The following LMBR1 variants were observed in gnomAD, a reference collection of about 807,000 sequenced individuals.
LMBR1 encodes limb development membrane protein 1.
LMBR1 carries 52 observed loss-of-function variants against 73.9 expected under a neutral mutation model. The observed-to-expected ratio is 0.70, with a 90% CI of 0.56 to 0.89. The LOEUF is 0.89. LMBR1 is among the 40% of genes least tolerant of loss of function. The pLI, the probability that LMBR1 is intolerant of heterozygous loss-of-function variation, is 0.00. For missense variants in LMBR1, 539 were observed against 579.8 expected (o/e 0.93, Z 0.72); for synonymous variants, 215 against 209.4 (o/e 1.03, Z -0.23).
At chr7:156,859,947 G>A (rs543238687) in intron 1 of LMBR1, among the ~76,000 whole-genome samples, 7 of 152,236 alleles carry the variant, frequency 4.6e-5, no homozygotes, top group African/African-American at 1.7e-4. Context: ...AATAGAAAAA[G>A]ATCAATGGAA....
At chr7:156,699,254 A>G (rs932450640) in intron 15 of LMBR1, among the ~76,000 whole-genome samples, 2 of 152,156 alleles carry the variant, frequency 1.3e-5, no homozygotes, top group African/African-American at 2.4e-5. Flanking sequence ...AATGCCGCAT[A>G]TCTACAACTA....
At chr7:156,764,728 A>C (rs1038097816) in intron 5 of LMBR1, among the ~76,000 whole-genome samples, 2 of 152,228 alleles carry the variant, frequency 1.3e-5, no homozygotes, top group African/African-American at 4.8e-5. Context: ...ACTTATTTCA[A>C]TTTTGTCCTA....
At chr7:156,781,222 G>C (rs1175917477) in intron 5 of LMBR1, among the ~76,000 whole-genome samples, 1 of 152,118 alleles carries the variant, frequency 6.6e-6, no homozygotes, top group South Asian at 2.1e-4. Flanking sequence ...GCAATGCCAC[G>C]TGACAATTTA....
At chr7:156,690,442 C>T (rs990093947) in intron 15 of LMBR1, among the ~76,000 whole-genome samples, 43 of 152,162 alleles carry the variant, frequency 2.8e-4, no homozygotes, top group Admixed American at 2.4e-3. Context: ...CTGTGTCCTA[C>T]GTTGTGACAG....
intron 1 of LMBR1, among the ~76,000 whole-genome samples, chr7:156,840,617 T>C (rs1838495013): frequency 6.6e-6 from 1 of 151,692 alleles, no homozygotes; most frequent in Non-Finnish European, 1.5e-5. Context: ...GAGTAGAGGG[T>C]GATAGGATCT....
intron 9 of LMBR1, among the ~76,000 whole-genome samples, chr7:156,734,675 T>C (rs1563239633): frequency 1.3e-5 from 2 of 152,344 alleles, no homozygotes; most frequent in South Asian, 4.1e-4. Context: ...ACATGTTTCC[T>C]AGAAAATTTC....
At chr7:156,820,417 A>C (rs772663973) in intron 4 of LMBR1, among the ~76,000 whole-genome samples, 11 of 152,134 alleles carry the variant, frequency 7.2e-5, no homozygotes, top group Non-Finnish European at 1.5e-4. Flanking sequence ...CTTCCATAGG[A>C]TATTAATATC....
chr7:156,747,475 G>A (rs1040846288), intron 9 of LMBR1, among the ~76,000 whole-genome samples: 1 of 151,866 alleles, frequency 6.6e-6, no homozygotes, highest in African/African-American at 2.4e-5. Flanking sequence ...TAAAAGGAGA[G>A]GTACTAAGTA....
chr7:156,763,634 A>G, intron 6 of LMBR1, 35 bp downstream of exon 6: 2 of 1,535,208 alleles, frequency 1.3e-6, no homozygotes. Flanking sequence ...TACAGTTTCC[A>G]GTAAGGAAAC....
intron 9 of LMBR1, among the ~76,000 whole-genome samples, chr7:156,750,017 G>A (rs984275603): frequency 3.2e-4 from 48 of 152,102 alleles, no homozygotes; most frequent in African/African-American, 1.2e-3. Flanking sequence ...ACTGCCATAA[G>A]AAATGATACA....
chr7:156,886,716 A>T (rs1358331415), intron 1 of LMBR1, among the ~76,000 whole-genome samples: 1 of 152,250 alleles, frequency 6.6e-6, no homozygotes, highest in East Asian at 1.9e-4. Context: ...AGAAAAAAAG[A>T]AACACCTTGA....
Position 156,685,327 on chromosome 7 carries a change from C to T in LMBR1, c.1388-1164G>A, listed in dbSNP as rs1805771640. On this transcript the variant is annotated intron_variant, in intron 16 of 16. Transcript: ENST00000353442. This position sits in a 1 kb window ranked among gnomAD's most constrained non-coding sequence, Gnocchi z 4.1. The stretch of plus-strand genomic sequence containing the variant: ...CAAGCACTTTAATAAAAATGAAACA[C>T]AATGACATACAGCAACACAGTCAGG... Among the ~76,000 whole-genome samples the T allele has an allele frequency of 6.6e-6, 1 of 152,200 alleles. No individual in the cohort carries two copies. The highest frequency in any genetic ancestry group is 2.4e-5 in the African/African-American group (1 of 41,434).
chr7:156,738,522 T>TTGTGAG (rs1187635813), intron 9 of LMBR1, among the ~76,000 whole-genome samples: 16 of 152,276 alleles, frequency 1.1e-4, no homozygotes, highest in African/African-American at 3.4e-4. Context: ...GCACCACCTC[T>TTGTGAG]CCACCAACCC....
chr7:156,753,753 G>C (rs1821327818), intron 9 of LMBR1, among the ~76,000 whole-genome samples: 1 of 152,096 alleles, frequency 6.6e-6, no homozygotes, highest in African/African-American at 2.4e-5. Context: ...GTGCTGTGGG[G>C]AAGGGGAAGG....
chr7:156,892,747 TGGGGAGGGAAGGGGA>T (rs1563649707), intron 1 of LMBR1, among the ~76,000 whole-genome samples, 166 bp downstream of exon 1: 1 of 52,204 alleles, frequency 1.9e-5, no homozygotes, highest in Non-Finnish European at 3.7e-5. Context: ...AGAGGAGAGG[TGGGGAGGGAAGGGGA>T]GGGGAGGGGA....
chr7:156,863,440 G>C (rs1453926109), intron 1 of LMBR1, among the ~76,000 whole-genome samples: 1 of 151,870 alleles, frequency 6.6e-6, no homozygotes, highest in African/African-American at 2.4e-5. Flanking sequence ...CCAGCCCACT[G>C]ACTCAAATGT....
intron 4 of LMBR1, among the ~76,000 whole-genome samples, chr7:156,804,006 G>C (rs1585900276): frequency 8.1e-6 from 1 of 123,960 alleles, no homozygotes; most frequent in Non-Finnish European, 1.7e-5. Context: ...GGTGGGGGGA[G>C]GGGGGAGGGA....
At chr7:156,744,141 C>T (rs578063248) in intron 9 of LMBR1, among the ~76,000 whole-genome samples, 2 of 152,148 alleles carry the variant, frequency 1.3e-5, no homozygotes, top group African/African-American at 2.4e-5. Context: ...CTTCTGGGCT[C>T]GAGCGTATAC....
intron 5 of LMBR1, among the ~76,000 whole-genome samples, chr7:156,791,798 G>C (rs919236901): frequency 6.6e-6 from 1 of 152,152 alleles, no homozygotes; most frequent in Admixed American, 6.5e-5. Context: ...ATGTCTGGAT[G>C]GTTTGGATAA....
Sources: gnomAD v4.1 joint callset for allele counts (sites outside exome capture counted in the v4.1 genomes callset) on GRCh38, gnomAD v4.1.1 for gene constraint, Gnocchi (gnomAD v3.1) non-coding constraint, MANE v1.5 for transcripts, NCBI Gene and HGNC (gene_info 2026-07-23, HGNC 2026-07-21) for gene names.